The following SYCP2L variants were observed in gnomAD, a reference collection of about 807,000 sequenced individuals.
SYCP2L encodes synaptonemal complex protein 2-like.
Under a neutral mutation model 125.8 loss-of-function variants are expected in SYCP2L, and 98 were observed. That is an observed-to-expected ratio of 0.78 (90% CI 0.66 to 0.92). SYCP2L has a LOEUF of 0.92. Among genes scored for constraint, SYCP2L ranks in the 40% least tolerant of loss-of-function variants. The probability of loss-of-function intolerance (pLI) is 0.00; values close to 1 mark genes in which losing one functional copy is unlikely to be tolerated. For synonymous variants in SYCP2L, 317 were observed against 325.4 expected, an observed-to-expected ratio of 0.97 and a Z score of 0.28; for missense variants, 842 against 936.4, an observed-to-expected ratio of 0.90 and a Z score of 1.32.
intron 14 of SYCP2L, among the ~76,000 whole-genome samples, chr6:10,914,531 T>A (rs2113326236): frequency 6.6e-6 from 1 of 152,330 alleles, no homozygotes; most frequent in African/African-American, 2.4e-5. Flanking sequence ...TTTTTCTAAT[T>A]CTGTGAAGAA....
intron 21 of SYCP2L, among the ~76,000 whole-genome samples, chr6:10,937,789 A>G (rs1037693294): frequency 1.3e-5 from 2 of 152,216 alleles, no homozygotes; most frequent in African/African-American, 4.8e-5. Flanking sequence ...CAAACAAATT[A>G]TACACCAACA....
chr6:10,934,441 G>A (rs1218011332), intron 20 of SYCP2L, among the ~76,000 whole-genome samples: 2 of 152,226 alleles, frequency 1.3e-5, no homozygotes, highest in Non-Finnish European at 2.9e-5. Flanking sequence ...CGCTTTGGGA[G>A]GCCAAGGCGG....
intron 25 of SYCP2L, 93 bp from the exon 26 acceptor site, chr6:10,958,691 A>T: frequency 1.7e-6 from 2 of 1,155,756 alleles, no homozygotes; most frequent in Non-Finnish European, 2.5e-6. Context: ...GAATATTATT[A>T]CATGCTGGCA....
At chr6:10,950,212 A>C (rs1042150568) in intron 23 of SYCP2L, among the ~76,000 whole-genome samples, 2 of 151,816 alleles carry the variant, frequency 1.3e-5, no homozygotes, top group African/African-American at 4.8e-5. Context: ...TGGTCAGAGA[A>C]ACACAGTCTG....
At chr6:10,967,454 G>GGGGTGTGTGTGTGTGTGTGTGTGTGTGT (rs56098075) in intron 29 of SYCP2L, among the ~76,000 whole-genome samples, 2 of 138,838 alleles carry the variant, frequency 1.4e-5, no homozygotes, top group Non-Finnish European at 3.1e-5. Flanking sequence ...TGGGGTAGAG[G>GGGGTGTGTGTGTGTGTGTGTGTGTGTGT]GTGTGTGTGT....
At chr6:10,957,767 T>C (rs1423652556) in intron 25 of SYCP2L, among the ~76,000 whole-genome samples, 2 of 152,208 alleles carry the variant, frequency 1.3e-5, no homozygotes, top group Non-Finnish European at 2.9e-5. Context: ...CAGTGAGCTA[T>C]GATCATGCCG....
chr6:10,907,892 G>GTTTTTTTTTTT (rs551103839), intron 10 of SYCP2L, among the ~76,000 whole-genome samples: 3,370 of 91,736 alleles, frequency 0.037, 551 homozygotes, highest in East Asian at 0.052. Context: ...ATACAGATAG[G>GTTTTTTTTTTT]TTTTTTTTTT....
chr6:10,912,613 T>G lies in SYCP2L; in HGVS notation c.919-60T>G. ...ATTCTATTTTCAAGGGAATAATGTT[T>G]ATCTGACCCTATAGCATGATTTTTA... On this transcript the variant is annotated intron_variant, in intron 12 of 29. Transcript: ENST00000283141. The surrounding 1 kb of genome is among the most constrained non-coding windows in gnomAD (Gnocchi z 4.1). 8.2e-7 allele frequency: 1 copy of G among 1,224,758 alleles called. No homozygotes were observed. The highest frequency in any genetic ancestry group is 1.2e-6 in the Non-Finnish European group (1 of 842,474). The allele number at this position is 1,224,758 out of a possible 1,614,324, so 75.9% of individuals were successfully genotyped here.
intron 8 of SYCP2L, among the ~76,000 whole-genome samples, chr6:10,904,272 A>G (rs1326620392): frequency 6.6e-6 from 1 of 152,168 alleles, no homozygotes; most frequent in African/African-American, 2.4e-5. Flanking sequence ...GTAAGGTTGT[A>G]ATGTGTGACC....
rs189331166 is a variant in SYCP2L, at chr6:10,912,045, A to G, written c.919-628A>G. On this transcript the variant is annotated intron_variant, in intron 12 of 29. Transcript: ENST00000283141. This position sits in a 1 kb window ranked among gnomAD's most constrained non-coding sequence, Gnocchi z 4.1. ...GCCTCCCGAGTATACTTGTTGATAC[A>G]TGTCTAGAAAACATCTGGGAGGAAA... is the stretch of plus-strand genomic sequence containing the variant. Among the ~76,000 whole-genome samples, 12 of 151,722 alleles carry G rather than the reference A, an allele frequency of 7.9e-5. No individual in the cohort carries two copies. In the East Asian group the frequency reaches 1.5e-3, roughly 20 times the overall value.
chr6:10,902,986 C>T lies in SYCP2L; in HGVS notation c.641+23C>T, dbSNP rs367619954. ...TATGTAAGTGACTTTGTATAAGTTA[C>T]GTGCTGTAGTAAGGGTAAAATCTCT... On this transcript the variant is annotated intron_variant, in intron 8 of 29. Transcript: ENST00000283141. 2.8e-4 allele frequency: 440 copies of T among 1,593,564 alleles called. 2 individuals carry two copies. In the African/African-American group the frequency reaches 4.0e-3, roughly 14 times the overall value.
intron 25 of SYCP2L, 24 bp downstream of exon 25, chr6:10,956,266 A>G: frequency 6.5e-7 from 1 of 1,534,070 alleles, no homozygotes; most frequent in Non-Finnish European, 9.0e-7. Flanking sequence ...AAACTTAAAA[A>G]ACTAGAGCGT....
intron 9 of SYCP2L, among the ~76,000 whole-genome samples, chr6:10,906,426 G>C (rs1018827205): frequency 3.3e-5 from 5 of 151,810 alleles, no homozygotes; most frequent in Admixed American, 3.3e-4. Context: ...CTTTTACTCT[G>C]TACATCCCTA....
chr6:10,898,384 G>A (rs1344923902), intron 5 of SYCP2L, among the ~76,000 whole-genome samples: 2 of 151,970 alleles, frequency 1.3e-5, no homozygotes, highest in Admixed American at 1.3e-4. Context: ...GTGGTGGTGG[G>A]CGCCTGTAAT....
Position 10,956,184 on chromosome 6 carries a change from G to A in SYCP2L, c.2105G>A (p.Gly702Asp), listed in dbSNP as rs755813812. Residue 702 changes from glycine to aspartate, a missense_variant, in exon 25 of 30, where the codon GGT becomes GAT. By Grantham distance (94) the Gly-to-Asp change is moderately conservative. Coordinates refer to ENST00000283141, the MANE Select transcript of SYCP2L (RefSeq NM_001040274.3). The stretch of plus-strand genomic sequence containing the variant: ...GAAGTTGTGCCAGAGAACTTGAACG[G>A]TTCTGCCATTCTCCCAACCTTTGAA... Reference protein sequence around the residue: ...SLEVVPENLNGSAILPTFENF... With the variant: ...SLEVVPENLNDSAILPTFENF... 3.1e-6 allele frequency: 5 copies of A among 1,613,928 alleles called. 1 individual carries two copies. The South Asian group carries it at 4.4e-5, about 14-fold the overall frequency.
chr6:10,961,210 G>T, intron 26 of SYCP2L, 95 bp from the exon 27 acceptor site: 5 of 962,774 alleles, frequency 5.2e-6, no homozygotes, highest in Non-Finnish European at 8.1e-6. Flanking sequence ...CTGGAGAAGA[G>T]TCTGAAGTAT....
rs781308578 is a variant in SYCP2L, at chr6:10,910,216, G to C, written c.872+16G>C. The C allele has an allele frequency of 6.2e-7, 1 of 1,610,018 alleles. No individual in the cohort carries two copies. Among genetic ancestry groups the C allele is most frequent in the Admixed American group, 1.7e-5 (1 of 59,986 alleles). Reference sequence around the variant, plus strand: ...ACCAAAGAAGGTAAGTTGTGTCTCTGAGCATTATTGACTAGTTGTATTCTG... The same window carrying C: ...ACCAAAGAAGGTAAGTTGTGTCTCTCAGCATTATTGACTAGTTGTATTCTG... On this transcript the variant is annotated intron_variant, in intron 11 of 29. Coordinates refer to ENST00000283141, the MANE Select transcript of SYCP2L (RefSeq NM_001040274.3).
chr6:10,902,285 G>C (rs563243975), intron 6 of SYCP2L, among the ~76,000 whole-genome samples: 3 of 152,000 alleles, frequency 2.0e-5, no homozygotes, highest in African/African-American at 7.2e-5. Context: ...TCTTTTCCTC[G>C]CTCACTTTCC....
chr6:10,944,975 A>G (rs1161368615), intron 23 of SYCP2L, among the ~76,000 whole-genome samples: 1 of 152,168 alleles, frequency 6.6e-6, no homozygotes, highest in Non-Finnish European at 1.5e-5. Flanking sequence ...CGGCCTCCCA[A>G]AGTGCTGGGA....
Sources: gnomAD v4.1 joint callset for allele counts (sites outside exome capture counted in the v4.1 genomes callset) on GRCh38, gnomAD v4.1.1 for gene constraint, Gnocchi (gnomAD v3.1) non-coding constraint, MANE v1.5 for transcripts, NCBI Gene and HGNC (gene_info 2026-07-23, HGNC 2026-07-21) for gene names.